The following PARN variants were observed in gnomAD, a reference collection of about 807,000 sequenced individuals.
The protein encoded by PARN is poly(A)-specific ribonuclease PARN.
Under a neutral mutation model 102.8 loss-of-function variants are expected in PARN, and 71 were observed. The observed-to-expected ratio is 0.69, with a 90% CI of 0.57 to 0.84. PARN has a LOEUF of 0.84. PARN is among the 40% of genes least tolerant of loss of function. PARN has a pLI of 0.00. For missense variants in PARN, 782 were observed against 760.9 expected (o/e 1.03, Z -0.33); for synonymous variants, 261 against 252.9 (o/e 1.03, Z -0.30).
chr16:14,541,913 A>G (rs1324970683), intron 21 of PARN, among the ~76,000 whole-genome samples: 1 of 152,224 alleles, frequency 6.6e-6, no homozygotes, highest in Non-Finnish European at 1.5e-5. Context: ...CTCAATATAC[A>G]AAGAACCAGG....
intron 21 of PARN, among the ~76,000 whole-genome samples, chr16:14,488,733 T>C (rs1963882114): frequency 6.6e-6 from 1 of 152,134 alleles, no homozygotes; most frequent in Admixed American, 6.6e-5. Flanking sequence ...ATTGGGAAGG[T>C]GTGGAGCAAC....
At chr16:14,591,371 C>T (rs149182361) in intron 13 of PARN, among the ~76,000 whole-genome samples, 2 of 142,098 alleles carry the variant, frequency 1.4e-5, no homozygotes, top group African/African-American at 5.2e-5. Flanking sequence ...AGCCTGGCAA[C>T]AGAGTAAGAC....
chr16:14,499,374 C>T (rs1409979223), intron 21 of PARN, among the ~76,000 whole-genome samples: 1 of 152,122 alleles, frequency 6.6e-6, no homozygotes, highest in Non-Finnish European at 1.5e-5. Context: ...AGTGAGCCTG[C>T]AGGGGAATCA....
intron 21 of PARN, among the ~76,000 whole-genome samples, chr16:14,527,646 T>C (rs1175254673): frequency 1.3e-5 from 2 of 152,236 alleles, no homozygotes; most frequent in East Asian, 1.9e-4. Flanking sequence ...TAATATACTG[T>C]TGATTCATTA....
intron 22 of PARN, among the ~76,000 whole-genome samples, chr16:14,480,565 C>T (rs575070410): frequency 1.3e-5 from 2 of 152,266 alleles, no homozygotes; most frequent in African/African-American, 2.4e-5. Flanking sequence ...ATTAAATGGT[C>T]GTCAATATCA....
chr16:14,503,835 A>T (rs929715394), intron 21 of PARN, among the ~76,000 whole-genome samples: 4 of 152,228 alleles, frequency 2.6e-5, no homozygotes, highest in African/African-American at 7.2e-5. Flanking sequence ...TGCAGCTGGT[A>T]TAAGGAGAAC....
intron 18 of PARN, among the ~76,000 whole-genome samples, chr16:14,559,128 C>T (rs1255296559): frequency 2.0e-5 from 3 of 151,824 alleles, no homozygotes; most frequent in Non-Finnish European, 4.4e-5. Flanking sequence ...ACCTCAACAA[C>T]AAATTTAGGA....
At chr16:14,443,035 T>C (rs1961016228) in intron 23 of PARN, among the ~76,000 whole-genome samples, 1 of 152,244 alleles carries the variant, frequency 6.6e-6, no homozygotes, top group Non-Finnish European at 1.5e-5. Context: ...ACATGTCAGT[T>C]AGATACTTTT....
chr16:14,582,080 C>A, intron 17 of PARN, 101 bp downstream of exon 17: 1 of 794,968 alleles, frequency 1.3e-6, no homozygotes, highest in Non-Finnish European at 2.2e-6. Flanking sequence ...TTGTTTAAGC[C>A]CCACACTCGA....
intron 2 of PARN, 46 bp downstream of exon 2, chr16:14,629,551 G>T: frequency 7.4e-7 from 1 of 1,347,762 alleles, no homozygotes; most frequent in Non-Finnish European, 1.1e-6. Context: ...AGGAGCCTTG[G>T]CTATGCACTG....
intron 11 of PARN, among the ~76,000 whole-genome samples, chr16:14,601,261 A>C (rs935204874): frequency 1.1e-4 from 17 of 152,240 alleles, no homozygotes; most frequent in Middle Eastern, 6.8e-3. Context: ...ACACAATGGA[A>C]TATTATTCAG....
chr16:14,445,970 G>A (rs1961182459), intron 23 of PARN, among the ~76,000 whole-genome samples: 1 of 152,210 alleles, frequency 6.6e-6, no homozygotes, highest in Admixed American at 6.5e-5. Context: ...AATGATGACT[G>A]TCTCAAGGAT....
chr16:14,551,407 A>G (rs1229338154), intron 21 of PARN, among the ~76,000 whole-genome samples: 3 of 151,924 alleles, frequency 2.0e-5, no homozygotes, highest in African/African-American at 7.3e-5. Flanking sequence ...CATCTCTACT[A>G]AAAATACAAA....
intron 21 of PARN, among the ~76,000 whole-genome samples, chr16:14,483,091 G>A (rs1471962059): frequency 6.6e-6 from 1 of 152,116 alleles, no homozygotes; most frequent in Non-Finnish European, 1.5e-5. Flanking sequence ...TAAAGAACCG[G>A]TAATGATATA....
chr16:14,488,657 A>G (rs1204735677), intron 21 of PARN, among the ~76,000 whole-genome samples: 1 of 152,214 alleles, frequency 6.6e-6, no homozygotes. Flanking sequence ...AATCATGACT[A>G]TGATGAGACA....
chr16:14,524,283 C>T (rs893142714), intron 21 of PARN, among the ~76,000 whole-genome samples: 1 of 152,100 alleles, frequency 6.6e-6, no homozygotes, highest in African/African-American at 2.4e-5. Flanking sequence ...GAAGAACAGC[C>T]AAAGTGTGAA....
At chr16:14,629,301 AC>A (rs1972875845) in intron 2 of PARN, among the ~76,000 whole-genome samples, 1 of 152,326 alleles carries the variant, frequency 6.6e-6, no homozygotes, top group South Asian at 2.1e-4. Context: ...AAGAAAAAAA[AC>A]AGTCTGACCC....
chr16:14,586,909 G>A (rs1969892930), intron 13 of PARN, among the ~76,000 whole-genome samples: 2 of 152,166 alleles, frequency 1.3e-5, no homozygotes, highest in Admixed American at 1.3e-4. Context: ...TTCAACTCCA[G>A]AAAATTGCTC....
At chr16:14,483,373 T>C (rs1002896150) in intron 21 of PARN, among the ~76,000 whole-genome samples, 1 of 152,190 alleles carries the variant, frequency 6.6e-6, no homozygotes, top group African/African-American at 2.4e-5. Context: ...GGAAATGTTT[T>C]TACTGGTGAG....
Sources: gnomAD v4.1 joint callset for allele counts (sites outside exome capture counted in the v4.1 genomes callset) on GRCh38, gnomAD v4.1.1 for gene constraint, MANE v1.5 for transcripts, NCBI Gene and HGNC (gene_info 2026-07-23, HGNC 2026-07-21) for gene names.